SNAPC4: variants seen among roughly 807,000 people sequenced by gnomAD.
SNAPC4 encodes the protein small nuclear RNA activating complex polypeptide 4.
Under a neutral mutation model 151.3 loss-of-function variants are expected in SNAPC4, and 127 were observed. The ratio of observed to expected loss-of-function variants is 0.84; its 90% CI spans 0.73 to 0.97. SNAPC4 has a LOEUF of 0.97. Among genes scored for constraint, SNAPC4 ranks in the 50% least tolerant of loss-of-function variants. The probability of loss-of-function intolerance (pLI) is 0.00; values close to 1 mark genes in which losing one functional copy is unlikely to be tolerated. For synonymous variants in SNAPC4, 1,002 were observed against 824.4 expected, an observed-to-expected ratio of 1.22 and a Z score of -3.69; for missense variants, 2,186 against 1,935.0, an observed-to-expected ratio of 1.13 and a Z score of -2.43.
intron 22 of SNAPC4, 81 bp downstream of exon 22, chr9:136,377,462 C>T: frequency 6.2e-6 from 9 of 1,458,390 alleles, no homozygotes; most frequent in Non-Finnish European, 8.1e-6. Context: ...CACCAGCCCC[C>T]ACCCCACTGC....
intron 3 of SNAPC4, among the ~76,000 whole-genome samples, chr9:136,395,983 G>A (rs939809092): frequency 6.6e-6 from 1 of 152,240 alleles, no homozygotes; most frequent in Non-Finnish European, 1.5e-5. Flanking sequence ...GCCTGTGTGC[G>A]CCTTTCCTAA....
chr9:136,397,091 C>G, intron 2 of SNAPC4, 68 bp from the exon 3 acceptor site: 2 of 1,382,130 alleles, frequency 1.4e-6, no homozygotes, highest in Non-Finnish European at 2.1e-6. Flanking sequence ...CGCAGCTCAC[C>G]ACTGCTTCTT....
intron 16 of SNAPC4, 30 bp from the exon 17 acceptor site, chr9:136,382,366 C>T (rs1342751021): frequency 8.1e-6 from 13 of 1,600,476 alleles, no homozygotes; most frequent in East Asian, 4.5e-5. Flanking sequence ...AGGCGAGGCA[C>T]GCGGGGTGTA....
In SNAPC4 at chr9:136,379,133, C is replaced by G; in HGVS notation, c.2694G>C (p.Gln898His). The change falls in exon 22 of 24, where the codon CAG becomes CAC. Residue 898 changes from glutamine (Q) to histidine (H), a missense_variant. Coordinates refer to ENST00000684778, the MANE Select transcript of SNAPC4 (RefSeq NM_003086.4). ...CACGGGCCTCCTGAAGCCGCTTCTC[C>G]TGAAGCAGCTCCGACACAGTCTTGG... The part of the protein sequence containing the change: ...PKPKTVSELL[Q>H]EKRLQEARAR... 6.4e-7 allele frequency: 1 copy of G among 1,571,130 alleles called. No homozygotes were observed. Among genetic ancestry groups the G allele is most frequent in the Non-Finnish European group, 8.6e-7 (1 of 1,158,970 alleles).
In SNAPC4 at chr9:136,395,441, C is replaced by T. The variant is rs1172406408; in HGVS notation, c.346-18G>A. 6.2e-7 allele frequency: 1 copy of T among 1,610,146 alleles called. No individual in the cohort carries two copies. The highest frequency in any genetic ancestry group is 8.5e-7 in the Non-Finnish European group (1 of 1,178,090). On this transcript the variant is annotated intron_variant, in intron 4 of 23. Coordinates refer to ENST00000684778, the MANE Select transcript of SNAPC4 (RefSeq NM_003086.4). ...AGTTCCTCCTGTGACAGACACAAGG[C>T]AGGGACCCCTCTATGGACCAGCAGC...
chr9:136,383,963 A>G lies in SNAPC4; in HGVS notation c.1490T>C (p.Ile497Thr), dbSNP rs1564384838. Reference sequence around the variant, plus strand: ...GAGCGAGTGGCTCACCCCCATCATGATCTTCCACTTGCTCAGACACTGGGA... The same window carrying G: ...GAGCGAGTGGCTCACCCCCATCATGGTCTTCCACTTGCTCAGACACTGGGA... The part of the protein sequence containing the change: ...SGSQCLSKWK[I>T]MMGKKQGLRR... Residue 497 changes from isoleucine (I) to threonine (T), a missense_variant, in exon 15 of 24, where the codon ATC (isoleucine) becomes ACC (threonine). Physicochemically the swap from Ile to Thr is moderately conservative, Grantham distance 89. Coordinates refer to ENST00000684778, the MANE Select transcript of SNAPC4 (RefSeq NM_003086.4). This position sits in a 1 kb window ranked among gnomAD's most constrained non-coding sequence, Gnocchi z 4.2. The G allele has an allele frequency of 6.2e-7, 1 of 1,613,332 alleles. No individual in the cohort carries two copies. The highest frequency in any genetic ancestry group is 1.7e-5 in the Admixed American group (1 of 59,988).
chr9:136,377,812 G>C lies in SNAPC4; in HGVS notation c.4015C>G (p.Arg1339Gly). 6.2e-7 allele frequency: 1 copy of C among 1,611,340 alleles called. No individual in the cohort carries two copies. Among genetic ancestry groups the C allele is most frequent in the East Asian group, 2.2e-5 (1 of 44,860 alleles). The change falls in exon 22 of 24, where the codon CGG (arginine) becomes GGG (glycine). Residue 1339 changes from arginine (R) to glycine (G), a missense_variant. Physicochemically the swap from Arg to Gly is moderately radical, Grantham distance 125. Coordinates refer to ENST00000684778, the MANE Select transcript of SNAPC4 (RefSeq NM_003086.4). ...GAGGCTTGCAGTGCTCCGGCCGGCC[G>C]CTCAGCCTCGCCCCCCACCACCAGG... is the stretch of plus-strand genomic sequence containing the variant. ...TSLVVGGEAE[R>G]PAGALQASLG...
chr9:136,393,994 T>C (rs1396896551), intron 7 of SNAPC4, among the ~76,000 whole-genome samples: 1 of 152,260 alleles, frequency 6.6e-6, no homozygotes, highest in East Asian at 1.9e-4. Context: ...CATGGCTCAC[T>C]GCAGCTTTGA....
At position 136,377,940 on chromosome 9, in the gene SNAPC4, A is replaced by T. The variant is rs778599277; in HGVS notation, c.3887T>A (p.Leu1296His). ...LGGQRGVRVP[L>H]LGSRLPYQPP... ...CTGATAGGGCAGTCTGCTGCCCAGA[A>T]GAGGCACACGCACCCCCCGCTGGCC... The change falls in exon 22 of 24, where the codon CTT becomes CAT. Residue 1296 changes from leucine to histidine, a missense_variant. Coordinates refer to ENST00000684778, the MANE Select transcript of SNAPC4 (RefSeq NM_003086.4). 1 of 1,607,026 alleles carries T rather than the reference A, an allele frequency of 6.2e-7. No individual in the cohort carries two copies. The highest frequency in any genetic ancestry group is 8.5e-7 in the Non-Finnish European group (1 of 1,177,160).
intron 10 of SNAPC4, among the ~76,000 whole-genome samples, chr9:136,390,739 G>C (rs1834041878): frequency 6.7e-6 from 1 of 150,036 alleles, no homozygotes; most frequent in African/African-American, 2.5e-5. Context: ...AAACAAAAAA[G>C]AAAAAAAGAA....
At chr9:136,393,134 A>C (rs902876287) in intron 7 of SNAPC4, among the ~76,000 whole-genome samples, 3 of 152,196 alleles carry the variant, frequency 2.0e-5, no homozygotes, top group Non-Finnish European at 4.4e-5. Flanking sequence ...AGGAGGCCAG[A>C]GGCTGTGAGG....
At chr9:136,382,427 A>C in intron 16 of SNAPC4, 91 bp from the exon 17 acceptor site, 4 of 1,088,028 alleles carry the variant, frequency 3.7e-6, no homozygotes, top group Non-Finnish European at 4.1e-6. Context: ...CTGCCTCTTC[A>C]CCCAGGCTCC....
chr9:136,392,649 GC>G (rs1564392792), intron 8 of SNAPC4, 23 bp downstream of exon 8: 1 of 1,612,886 alleles, frequency 6.2e-7, no homozygotes, highest in Non-Finnish European at 8.5e-7. Context: ...GCTCCCCTGG[GC>G]CCTCCCGGGA....
chr9:136,379,554 C>T (rs74807161), intron 21 of SNAPC4, among the ~76,000 whole-genome samples: 23,121 of 152,282 alleles, frequency 0.15, 1,871 homozygotes, highest in East Asian at 0.25. Context: ...AGCCGGCAGC[C>T]CAGCTTGCCG....
chr9:136,378,877 T>G lies in SNAPC4; in HGVS notation c.2950A>C (p.Met984Leu), dbSNP rs774194859. ...ACAGGAGCGAGGGGCAGGGCTTGCA[T>G]GGTGGAGAGTCTCTTGTCCTTGGCT... ...TSAKDKRLST[M>L]QALPLAPVFS... The change falls in exon 22 of 24, where the codon ATG (methionine) becomes CTG (leucine). Residue 984 changes from methionine to leucine, a missense_variant. Physicochemically the swap from Met to Leu is conservative, Grantham distance 15 (BLOSUM62 2). Coordinates refer to ENST00000684778, the MANE Select transcript of SNAPC4 (RefSeq NM_003086.4). 1.1e-5 allele frequency: 17 copies of G among 1,610,914 alleles called. No individual in the cohort carries two copies. Among genetic ancestry groups the G allele is most frequent in the Non-Finnish European group, 1.3e-5 (15 of 1,179,452 alleles).
rs1393580327 is a variant in SNAPC4, at chr9:136,387,415, G to A, written c.1325+70C>T. On this transcript the variant is annotated intron_variant, in intron 13 of 23. Coordinates refer to ENST00000684778, the MANE Select transcript of SNAPC4 (RefSeq NM_003086.4). ...GCCGCTGTCCCCCAGCCCGCCCACA[G>A]CCCACACCAGAGTGCACCTGGTCAG... The A allele has an allele frequency of 3.5e-6, 4 of 1,131,400 alleles. No individual in the cohort carries two copies. In the Admixed American group the frequency reaches 5.1e-5, roughly 14 times the overall value. The allele number at this position is 1,131,400 out of a possible 1,614,324, so 70.1% of individuals were successfully genotyped here. A position where few individuals can be genotyped will look rare whatever the true frequency, so the allele number is the denominator to read the frequency against.
At chr9:136,385,875 A>G in intron 13 of SNAPC4, among the ~76,000 whole-genome samples, 1 of 151,958 alleles carries the variant, frequency 6.6e-6, no homozygotes, top group East Asian at 1.9e-4. Context: ...AAGGCCGAAT[A>G]ATATTCCCTT....
intron 17 of SNAPC4, 26 bp from the exon 18 acceptor site, chr9:136,382,099 G>A: frequency 6.4e-7 from 1 of 1,565,044 alleles, no homozygotes. Flanking sequence ...AGCACCTGGG[G>A]CCCATGGCCA....
At chr9:136,385,752 T>C (rs556617164) in intron 13 of SNAPC4, among the ~76,000 whole-genome samples, 2 of 152,226 alleles carry the variant, frequency 1.3e-5, no homozygotes, top group Admixed American at 1.3e-4. Flanking sequence ...GACAGGGTTT[T>C]ACCATATTGG....
Sources: allele counts gnomAD v4.1 joint callset (sites outside exome capture counted in the v4.1 genomes callset), GRCh38; gene constraint gnomAD v4.1.1; non-coding constraint Gnocchi (gnomAD v3.1); transcripts MANE v1.5; gene names NCBI Gene and HGNC (gene_info 2026-07-23, HGNC 2026-07-21).